The following C8orf34 variants were observed in gnomAD, a reference collection of about 807,000 sequenced individuals.
C8orf34 encodes uncharacterized protein C8orf34.
In C8orf34, 65 loss-of-function variants were observed where a neutral mutation model predicts 68.3. The ratio of observed to expected loss-of-function variants is 0.95; its 90% CI spans 0.78 to 1.17. The LOEUF (loss-of-function observed/expected upper bound fraction) is 1.17. Among genes scored for constraint, C8orf34 ranks in the 50% most tolerant of loss-of-function variants. The pLI, the probability that C8orf34 is intolerant of heterozygous loss-of-function variation, is 0.00. For missense variants in C8orf34, 664 were observed against 655.4 expected, an observed-to-expected ratio of 1.01 and a Z score of -0.14; for synonymous variants, 244 against 241.2, an observed-to-expected ratio of 1.01 and a Z score of -0.11.
At chr8:68,530,438 T>C (rs1183365659) in intron 6 of C8orf34, among the ~76,000 whole-genome samples, 2 of 152,132 alleles carry the variant, frequency 1.3e-5, no homozygotes, top group African/African-American at 4.8e-5. Context: ...ATGAATTTAA[T>C]TTAGATAAAA....
intron 8 of C8orf34, among the ~76,000 whole-genome samples, chr8:68,703,626 A>G (rs1281208264): frequency 1.3e-5 from 2 of 152,152 alleles, no homozygotes; most frequent in Non-Finnish European, 2.9e-5. Flanking sequence ...TTTAGTGCCC[A>G]AGGCCCACCC....
chr8:68,776,830 T>C (rs1281299803), intron 11 of C8orf34, among the ~76,000 whole-genome samples: 1 of 152,240 alleles, frequency 6.6e-6, no homozygotes, highest in African/African-American at 2.4e-5. Context: ...TAGGTCTGGA[T>C]TCATTCATGG....
At chr8:68,745,757 G>C (rs552394329) in intron 10 of C8orf34, among the ~76,000 whole-genome samples, 3 of 152,186 alleles carry the variant, frequency 2.0e-5, no homozygotes, top group African/African-American at 7.2e-5. Context: ...GACCTACAAA[G>C]AGACTTAGAC....
intron 4 of C8orf34, among the ~76,000 whole-genome samples, chr8:68,473,296 C>T (rs754767423): frequency 3.3e-4 from 50 of 152,116 alleles, no homozygotes; most frequent in Non-Finnish European, 6.2e-4. Flanking sequence ...GAGGTGGTAT[C>T]TGACTTACAT....
intron 8 of C8orf34, among the ~76,000 whole-genome samples, chr8:68,646,105 T>G (rs565197671): frequency 6.6e-6 from 1 of 152,156 alleles, no homozygotes; most frequent in South Asian, 2.1e-4. Flanking sequence ...GTTATGCTTT[T>G]CTCTTGTTAC....
rs375810080 is a variant in C8orf34, at chr8:68,528,558, T to C, written c.939-4425T>C. ...CTCTCCTGGAAAAACTCTACCATGT[T>C]TACATCTAATTGTTTCCCTATTCTG... is the stretch of plus-strand genomic sequence containing the variant. On this transcript the variant is annotated intron_variant, in intron 6 of 13. Transcript: ENST00000518698. 1.0e-3 allele frequency among the ~76,000 whole-genome samples: 152 copies of C among 152,274 alleles called. 1 individual carries two copies. The highest frequency in any genetic ancestry group is 3.5e-3 in the African/African-American group (145 of 41,560).
At chr8:68,628,517 C>A (rs112716215) in intron 7 of C8orf34, among the ~76,000 whole-genome samples, 4 of 152,080 alleles carry the variant, frequency 2.6e-5, no homozygotes, top group Non-Finnish European at 5.9e-5. Flanking sequence ...GTCTAAGTCC[C>A]GATCTGTTTT....
At chr8:68,754,031 T>C (rs1196872262) in intron 10 of C8orf34, among the ~76,000 whole-genome samples, 1 of 152,162 alleles carries the variant, frequency 6.6e-6, no homozygotes, top group Non-Finnish European at 1.5e-5. Flanking sequence ...TACCAGTATC[T>C]GTAGTTGATG....
chr8:68,364,784 G>A (rs1368127385), intron 1 of C8orf34, among the ~76,000 whole-genome samples: 3 of 148,542 alleles, frequency 2.0e-5, no homozygotes, highest in Non-Finnish European at 3.0e-5. Flanking sequence ...ATGCCCACAA[G>A]AGAAAGCAGG....
intron 5 of C8orf34, among the ~76,000 whole-genome samples, chr8:68,506,625 G>C (rs1814034804): frequency 6.6e-6 from 1 of 152,126 alleles, no homozygotes; most frequent in South Asian, 2.1e-4. Flanking sequence ...ACCTTTGTTA[G>C]TATACATGTC....
At chr8:68,769,932 A>G (rs1487381383) in intron 10 of C8orf34, among the ~76,000 whole-genome samples, 2 of 152,130 alleles carry the variant, frequency 1.3e-5, no homozygotes, top group Non-Finnish European at 2.9e-5. Context: ...GAGCACATGA[A>G]GATTTGAGTG....
chr8:68,535,780 CTT>C lies in C8orf34; in HGVS notation c.1105+2632_1105+2633del, dbSNP rs1211833318. ...TTATAAATTCACATTGCAAAAGTAA[CTT>C]AATATGGAATTAACACTTGTCAGAT... On this transcript the variant is annotated intron_variant, in intron 7 of 13. Transcript: ENST00000518698. 12 of 960,588 alleles carry C rather than the reference CTT, an allele frequency of 1.2e-5. No individual in the cohort carries two copies. The African/African-American group carries it at 2.1e-4, about 17-fold the overall frequency. The allele number at this position is 960,588 out of a possible 1,614,324, so 59.5% of individuals were successfully genotyped here. A position where few individuals can be genotyped will look rare whatever the true frequency, so the allele number is the denominator to read the frequency against.
intron 7 of C8orf34, among the ~76,000 whole-genome samples, chr8:68,596,377 T>G (rs746710115): frequency 9.2e-5 from 14 of 152,160 alleles, no homozygotes; most frequent in Non-Finnish European, 1.2e-4. Flanking sequence ...TCTGAACACA[T>G]TTACCTTTAG....
chr8:68,393,760 G>A (rs947520800), intron 1 of C8orf34, among the ~76,000 whole-genome samples: 4 of 152,074 alleles, frequency 2.6e-5, no homozygotes, highest in African/African-American at 7.2e-5. Context: ...AGGTGATAGC[G>A]AATCATTGAA....
At chr8:68,640,350 C>T (rs1369809615) in intron 7 of C8orf34, 26 bp from the exon 8 acceptor site, 2 of 1,596,352 alleles carry the variant, frequency 1.3e-6, no homozygotes, top group Admixed American at 1.8e-5. Context: ...TAATTTTTTT[C>T]TCTGTAATTG....
intron 8 of C8orf34, among the ~76,000 whole-genome samples, chr8:68,702,632 C>T (rs1416841189): frequency 6.6e-6 from 1 of 152,052 alleles, no homozygotes; most frequent in Non-Finnish European, 1.5e-5. Flanking sequence ...AGGATGACTG[C>T]CCATGAACCT....
intron 10 of C8orf34, among the ~76,000 whole-genome samples, chr8:68,736,443 C>A (rs1314507381): frequency 6.6e-6 from 1 of 152,052 alleles, no homozygotes; most frequent in Non-Finnish European, 1.5e-5. Context: ...TTCTGAATGT[C>A]CTTCAGAATT....
intron 10 of C8orf34, among the ~76,000 whole-genome samples, chr8:68,738,996 A>T (rs1033318524): frequency 9.9e-5 from 15 of 152,104 alleles, no homozygotes; most frequent in African/African-American, 2.9e-4. Context: ...AAAGCAAAAA[A>T]AGAAAACATT....
intron 1 of C8orf34, chr8:68,438,808 G>A (rs1810775083): frequency 6.6e-6 from 1 of 152,044 alleles, no homozygotes; most frequent in Non-Finnish European, 1.5e-5. Flanking sequence ...TTACCCTTGG[G>A]CAGATTTCAG....
Sources: gnomAD v4.1 joint callset for allele counts (sites outside exome capture counted in the v4.1 genomes callset) on GRCh38, gnomAD v4.1.1 for gene constraint, MANE v1.5 for transcripts, NCBI Gene and HGNC (gene_info 2026-07-23, HGNC 2026-07-21) for gene names.